RFPL1: variants seen among roughly 807,000 people sequenced by gnomAD.
RFPL1 encodes ret finger protein like 1.
Under a neutral mutation model 9.6 loss-of-function variants are expected in RFPL1, and 6 were observed. The ratio of observed to expected loss-of-function variants is 0.62; its 90% CI spans 0.34 to 1.23. RFPL1 has a LOEUF of 1.23. Among genes scored for constraint, RFPL1 ranks in the 50% most tolerant of loss-of-function variants. The pLI is 0.03. For missense variants in RFPL1, 352 were observed against 398.4 expected, an observed-to-expected ratio of 0.88 and a Z score of 0.99; for synonymous variants, 145 against 149.4, an observed-to-expected ratio of 0.97 and a Z score of 0.22.
chr22:29,435,961 T>C (rs2062806513), upstream of RFPL1, among the ~76,000 whole-genome samples: 1 of 152,148 alleles, frequency 6.6e-6, no homozygotes, highest in Non-Finnish European at 1.5e-5. Context: ...AAATACCACA[T>C]GTTCTCACTC....
At chr22:29,388,222 G>A in the RFPL1 span, among the ~76,000 whole-genome samples, 15 of 152,138 alleles carry the variant, frequency 9.9e-5, no homozygotes, top group African/African-American at 3.6e-4. Flanking sequence ...TGGGGCGGCC[G>A]AGGAACAGGC....
At chr22:29,410,066 G>C in the RFPL1 span, among the ~76,000 whole-genome samples, 2 of 151,486 alleles carry the variant, frequency 1.3e-5, no homozygotes, top group Non-Finnish European at 2.9e-5. Context: ...CCAGTGACTT[G>C]ATCACTGTTT....
chr22:29,426,523 G>A, the RFPL1 span, among the ~76,000 whole-genome samples: 60 of 152,234 alleles, frequency 3.9e-4, no homozygotes, highest in East Asian at 6.2e-3. Flanking sequence ...AGGCCGAGGT[G>A]GGAGGATCGC....
the RFPL1 span, among the ~76,000 whole-genome samples, chr22:29,428,977 G>C: frequency 1.3e-5 from 2 of 152,028 alleles, no homozygotes; most frequent in Non-Finnish European, 2.9e-5. Context: ...GAAGAAAAGA[G>C]ATAATAAAAG....
At chr22:29,407,407 T>G in the RFPL1 span, among the ~76,000 whole-genome samples, 15 of 152,178 alleles carry the variant, frequency 9.9e-5, no homozygotes, top group African/African-American at 3.6e-4. Flanking sequence ...CTGTGTCTTG[T>G]TTGGAAACAC....
At chr22:29,425,479 A>G in the RFPL1 span, among the ~76,000 whole-genome samples, 1 of 152,192 alleles carries the variant, frequency 6.6e-6, no homozygotes, top group Non-Finnish European at 1.5e-5. Context: ...CAAGGAAATT[A>G]AAAACCTATT....
chr22:29,416,637 G>A, the RFPL1 span, among the ~76,000 whole-genome samples: 2 of 152,184 alleles, frequency 1.3e-5, no homozygotes, highest in Non-Finnish European at 2.9e-5. Flanking sequence ...TCGCAGGGAA[G>A]CAGGATGGCT....
chr22:29,441,448 C>A, intron 1 of RFPL1, 94 bp from the exon 2 acceptor site: 1 of 1,424,846 alleles, frequency 7.0e-7, no homozygotes, highest in Non-Finnish European at 9.5e-7. Context: ...ATTAAAGAAA[C>A]CAAAGTCAAG....
At chr22:29,402,234 C>T in the RFPL1 span, among the ~76,000 whole-genome samples, 342 of 152,194 alleles carry the variant, frequency 2.2e-3, 2 homozygotes, top group Non-Finnish European at 3.7e-3. Flanking sequence ...TCTGTAAAAT[C>T]CATAAAATGG....
At chr22:29,427,845 T>C in the RFPL1 span, among the ~76,000 whole-genome samples, 1 of 152,208 alleles carries the variant, frequency 6.6e-6, no homozygotes, top group Non-Finnish European at 1.5e-5. Context: ...TGTTGTTCTG[T>C]GTAAGAGCAG....
chr22:29,423,711 G>A, the RFPL1 span, among the ~76,000 whole-genome samples: 283 of 152,298 alleles, frequency 1.9e-3, no homozygotes, highest in African/African-American at 6.2e-3. Flanking sequence ...ACAGTCAAAT[G>A]AGATTAGAAA....
the RFPL1 span, among the ~76,000 whole-genome samples, chr22:29,395,584 C>A: frequency 6.6e-6 from 1 of 152,184 alleles, no homozygotes; most frequent in South Asian, 2.1e-4. Flanking sequence ...TCCTGCTCAG[C>A]CCCTCCTAGC....
chr22:29,392,854 G>A, the RFPL1 span, among the ~76,000 whole-genome samples: 3 of 152,196 alleles, frequency 2.0e-5, no homozygotes, highest in African/African-American at 2.4e-5. Context: ...AACTTAAATA[G>A]CATGTGAGTG....
chr22:29,395,451 A>T, the RFPL1 span, among the ~76,000 whole-genome samples: 1 of 141,986 alleles, frequency 7.0e-6, no homozygotes, highest in Non-Finnish European at 1.5e-5. Context: ...CGCCCAGCCC[A>T]GGCCTGGCAC....
the RFPL1 span, among the ~76,000 whole-genome samples, chr22:29,422,788 C>T: frequency 2.3e-4 from 32 of 139,444 alleles, no homozygotes; most frequent in South Asian, 7.4e-3. Flanking sequence ...CACACAGGTA[C>T]ATGGACGGAA....
At chr22:29,409,077 T>A in the RFPL1 span, among the ~76,000 whole-genome samples, 38 of 152,114 alleles carry the variant, frequency 2.5e-4, no homozygotes, top group African/African-American at 7.5e-4. Context: ...CTTTTTTTTT[T>A]AAACAGCTTT....
the RFPL1 span, among the ~76,000 whole-genome samples, chr22:29,415,528 A>G: frequency 6.6e-6 from 1 of 152,270 alleles, no homozygotes; most frequent in Non-Finnish European, 1.5e-5. Flanking sequence ...AGTCCCCTGC[A>G]GGGATGCTCC....
the RFPL1 span, among the ~76,000 whole-genome samples, chr22:29,415,884 G>C: frequency 5.3e-5 from 8 of 152,174 alleles, 1 homozygote; most frequent in African/African-American, 1.9e-4. Flanking sequence ...GATTAGGGTG[G>C]GGGTTAATCT....
At chr22:29,417,818 C>A in the RFPL1 span, among the ~76,000 whole-genome samples, 1 of 151,800 alleles carries the variant, frequency 6.6e-6, no homozygotes, top group South Asian at 2.1e-4. Context: ...GTACACATAA[C>A]AAGAGAACAG....
Sources: gnomAD v4.1 joint callset for allele counts (sites outside exome capture counted in the v4.1 genomes callset) on GRCh38, gnomAD v4.1.1 for gene constraint, MANE v1.5 for transcripts, NCBI Gene and HGNC (gene_info 2026-07-23, HGNC 2026-07-21) for gene names.